RIPOR1: variants seen among roughly 807,000 people sequenced by gnomAD.
RIPOR1 encodes the protein rho family-interacting cell polarization regulator 1.
RIPOR1 carries 58 observed loss-of-function variants against 116.5 expected under a neutral mutation model. The ratio of observed to expected loss-of-function variants is 0.50; its 90% confidence interval spans 0.40 to 0.62. The LOEUF is 0.62. Ranked by LOEUF, RIPOR1 falls within the 20% of genes least tolerant of loss-of-function variation. RIPOR1 has a pLI of 0.00. For synonymous variants in RIPOR1, 605 were observed against 650.0 expected, an observed-to-expected ratio of 0.93 and a Z score of 1.05; for missense variants, 1,372 against 1,586.2, an observed-to-expected ratio of 0.86 and a Z score of 2.29.
rs778814634 is a variant in RIPOR1 at position 67,543,292 on chromosome 16, A to G, written c.2478+28A>G. The G allele has an allele frequency of 3.7e-6, 6 of 1,605,280 alleles. No homozygotes were observed. In the East Asian group the frequency reaches 1.3e-4, roughly 36 times the overall value. On this transcript the variant is annotated intron_variant, in intron 13 of 21. Transcript: ENST00000042381. This position sits in a 1 kb window ranked among gnomAD's most constrained non-coding sequence, Gnocchi z 4.7. Reference sequence around the variant, plus strand: ...GAGGAGGGCTGGGCTGGGCTAGGGCAACCAGGGAGGGCAGCCAGGGGGCGG... The same window carrying G: ...GAGGAGGGCTGGGCTGGGCTAGGGCGACCAGGGAGGGCAGCCAGGGGGCGG...
At position 67,543,674 on chromosome 16, in the gene RIPOR1, C is replaced by T. The variant is rs1440352619; in HGVS notation, c.2600+205C>T. The T allele has an allele frequency of 4.5e-6, 3 of 670,158 alleles. No homozygotes were observed. The highest frequency in any genetic ancestry group is 7.6e-6 in the Non-Finnish European group (3 of 392,450). 41.5% of individuals were successfully genotyped at this position (670,158 alleles called of 1,614,324 possible). On this transcript the variant is annotated intron_variant, in intron 14 of 21. Transcript: ENST00000042381. This position sits in a 1 kb window ranked among gnomAD's most constrained non-coding sequence, Gnocchi z 4.7. ...ATGTCCTTCATGCCCATGTCTCCAACCCTACGTGTGTCCCCAGTGCTTCTG... is the reference window on the plus strand; with the variant it reads ...ATGTCCTTCATGCCCATGTCTCCAATCCTACGTGTGTCCCCAGTGCTTCTG...
rs779467228 is a variant in RIPOR1 at position 67,542,184 on chromosome 16, G to A, written c.1398G>A (p.Glu466=). ...CTGCCTTGGCTGAGGCTTCAGTGGAGGCCGTTGGCCCAGAAAGCCTAGCCT... is the reference window on the plus strand; with the variant it reads ...CTGCCTTGGCTGAGGCTTCAGTGGAAGCCGTTGGCCCAGAAAGCCTAGCCT... ...VDAALAEASV[E]AVGPESLAWG... is the part of the protein sequence containing the mutation. Residue 466 remains glutamate (E), a synonymous_variant, in exon 13 of 22, where the codon GAG becomes GAA. Transcript: ENST00000042381. This position sits in a 1 kb window ranked among gnomAD's most constrained non-coding sequence, Gnocchi z 4.6. 16 of 1,613,262 alleles carry A rather than the reference G, an allele frequency of 9.9e-6. No homozygotes were observed. The highest frequency in any genetic ancestry group is 5.0e-5 in the Admixed American group (3 of 59,956).
rs2050610430 is a variant in RIPOR1 at position 67,529,931 on chromosome 16, C to T, written c.-24+1017C>T. 2 of 948,712 alleles carry T rather than the reference C, an allele frequency of 2.1e-6. No individual in the cohort carries two copies. Among genetic ancestry groups the T allele is most frequent in the South Asian group, 1.4e-5 (1 of 72,402 alleles). The allele number at this position is 948,712 out of a possible 1,614,324, so 58.8% of individuals were successfully genotyped here. ...GATTAGATCTGAGTCCTTGCCCCTGCGACACCCACCTCCGTGGTATTGGAG... is the reference window on the plus strand; with the variant it reads ...GATTAGATCTGAGTCCTTGCCCCTGTGACACCCACCTCCGTGGTATTGGAG... On this transcript the variant is annotated intron_variant, in intron 1 of 21. Transcript: ENST00000042381. The surrounding 1 kb of genome is among the most constrained non-coding windows in gnomAD (Gnocchi z 4.1).
At position 67,545,659 on chromosome 16, in the gene RIPOR1, T is replaced by A; in HGVS notation, c.3191-5T>A. ...CCACCCACCCACCATATCCCCTTTT[T>A]TCAGTGCTACTGGTGCGGAATCTGA... On this transcript the variant is annotated splice_polypyrimidine_tract_variant and splice_region_variant and intron_variant, in intron 18 of 21. Transcript: ENST00000042381. The surrounding 1 kb of genome is among the most constrained non-coding windows in gnomAD (Gnocchi z 4.8). 1 of 1,567,560 alleles carries A rather than the reference T, an allele frequency of 6.4e-7. No individual in the cohort carries two copies. The highest frequency in any genetic ancestry group is 8.7e-7 in the Non-Finnish European group (1 of 1,155,106).
rs746704806 is a variant in RIPOR1 at position 67,540,760 on chromosome 16, C to T, written c.801+56C>T. 6.6e-7 allele frequency: 1 copy of T among 1,513,192 alleles called. No homozygotes were observed. The highest frequency in any genetic ancestry group is 8.9e-7 in the Non-Finnish European group (1 of 1,123,796). 93.7% of individuals were successfully genotyped at this position (1,513,192 alleles called of 1,614,324 possible). ...CATGGCCCTGTGAACCCCTTGTGAC[C>T]CCCATTACCCTGAGTCCCTTACTCC... On this transcript the variant is annotated intron_variant, in intron 10 of 21. Coordinates refer to ENST00000042381, the MANE Select transcript of RIPOR1 (RefSeq NM_024519.4). This position sits in a 1 kb window ranked among gnomAD's most constrained non-coding sequence, Gnocchi z 4.7.
intron 1 of RIPOR1, among the ~76,000 whole-genome samples, chr16:67,534,735 A>G (rs533252837): frequency 6.9e-6 from 1 of 145,692 alleles, no homozygotes; most frequent in African/African-American, 2.6e-5. Flanking sequence ...ATCCACCCAT[A>G]TTGTTGCATG....
Position 67,531,410 on chromosome 16 carries a change from C to G in RIPOR1, c.-24+2496C>G. 1 of 296,182 alleles carries G rather than the reference C, an allele frequency of 3.4e-6. No individual in the cohort carries two copies. Among genetic ancestry groups the G allele is most frequent in the Non-Finnish European group, 6.8e-6 (1 of 146,652 alleles). 18.3% of individuals were successfully genotyped at this position (296,182 alleles called of 1,614,324 possible). A position where few individuals can be genotyped will look rare whatever the true frequency, so the allele number is the denominator to read the frequency against. The stretch of plus-strand genomic sequence containing the variant: ...TGCCCCAGGTCTCACAAGGTTCAGT[C>G]TGGTGGGAAGACAGGCCCTAAAGGA... On this transcript the variant is annotated intron_variant, in intron 1 of 21. Coordinates refer to ENST00000042381, the MANE Select transcript of RIPOR1 (RefSeq NM_024519.4). This position sits in a 1 kb window ranked among gnomAD's most constrained non-coding sequence, Gnocchi z 4.2.
At chr16:67,546,327 G>T (rs1475600766) in intron 21 of RIPOR1, 39 bp from the exon 22 acceptor site, 1 of 1,609,396 alleles carries the variant, frequency 6.2e-7, no homozygotes, top group Non-Finnish European at 8.5e-7. Flanking sequence ...AGTGGGATGG[G>T]GCTAGGGCCA....
chr16:67,538,811 A>C lies in RIPOR1; in HGVS notation c.244A>C (p.Lys82Gln). ...ERLDLVYTAL[K>Q]RGLTAYLEVH... ...GCTGGACCTGGTGTACACGGCGCTG[A>C]AGCGGGGCCTGACGTGAGCAGCTCC... Residue 82 changes from lysine to glutamine, a missense_variant, in exon 3 of 22, where the codon AAG (lysine) becomes CAG (glutamine). Lys to Gln is a moderately conservative substitution (Grantham distance 53). Around this residue, in one of 3 missense-constraint regions of RIPOR1, gnomAD observed 165 missense variants for 145.5 expected, o/e 1.13. Transcript: ENST00000042381. The C allele has an allele frequency of 6.2e-7, 1 of 1,613,178 alleles. No individual in the cohort carries two copies. Among genetic ancestry groups the C allele is most frequent in the African/African-American group, 1.3e-5 (1 of 75,050 alleles).
Position 67,542,122 on chromosome 16 carries a change from C to T in RIPOR1, c.1336C>T (p.Arg446Trp), listed in dbSNP as rs141656845. The T allele has an allele frequency of 2.5e-5, 41 of 1,613,326 alleles. No individual in the cohort carries two copies. Among genetic ancestry groups the T allele is most frequent in the Non-Finnish European group, 3.4e-5 (40 of 1,179,516 alleles). Residue 446 changes from arginine (R) to tryptophan (W), a missense_variant, in exon 13 of 22, where the codon CGG (arginine) becomes TGG (tryptophan). Arg to Trp is a moderately radical substitution (Grantham distance 101). Around this residue, in one of 3 missense-constraint regions of RIPOR1, gnomAD observed 1,005 missense variants for 1,144.7 expected, o/e 0.88. Transcript: ENST00000042381. The surrounding 1 kb of genome is among the most constrained non-coding windows in gnomAD (Gnocchi z 4.6). ...VLANGHAPYS[R>W]TLSHISEASV... ...GGCAAATGGGCATGCACCCTACAGTCGGACTCTGAGCCACATCAGTGAGGC... is the reference window on the plus strand; with the variant it reads ...GGCAAATGGGCATGCACCCTACAGTTGGACTCTGAGCCACATCAGTGAGGC...
rs117779405 is a variant in RIPOR1, at chr16:67,530,957, C to T, written c.-24+2043C>T. 1.6e-3 allele frequency among the ~76,000 whole-genome samples: 251 copies of T among 152,262 alleles called. No homozygotes were observed. The highest frequency in any genetic ancestry group is 4.1e-3 in the Admixed American group (62 of 15,300). ...ACCCAGCAAGGGCAATCTTGCCCGC[C>T]CATCTCCCGAAGCGGTCACTCAGAT... On this transcript the variant is annotated intron_variant, in intron 1 of 21. Coordinates refer to ENST00000042381, the MANE Select transcript of RIPOR1 (RefSeq NM_024519.4). The surrounding 1 kb of genome is among the most constrained non-coding windows in gnomAD (Gnocchi z 4.5).
Position 67,530,731 on chromosome 16 carries a change from C to CA in RIPOR1, c.-24+1818dup, listed in dbSNP as rs761898701. Among the ~76,000 whole-genome samples the CA allele has an allele frequency of 6.6e-6, 1 of 152,174 alleles. No homozygotes were observed. Among genetic ancestry groups the CA allele is most frequent in the African/African-American group, 2.4e-5 (1 of 41,436 alleles). On this transcript the variant is annotated intron_variant, in intron 1 of 21. Coordinates refer to ENST00000042381, the MANE Select transcript of RIPOR1 (RefSeq NM_024519.4). This position sits in a 1 kb window ranked among gnomAD's most constrained non-coding sequence, Gnocchi z 4.5. The stretch of plus-strand genomic sequence containing the variant: ...GCGGACAGGTCAGGGCTCCTCCACT[C>CA]ACGGCCATCCTGACCTGGCTGTGCT...
At chr16:67,539,549 A>G (rs2050908334) in intron 4 of RIPOR1, 179 bp from the exon 5 acceptor site, 3 of 774,546 alleles carry the variant, frequency 3.9e-6, no homozygotes, top group Non-Finnish European at 6.8e-6. Flanking sequence ...AAGGGACCAG[A>G]TCTGTGCTAC....
rs1012507980 is a variant in RIPOR1, at chr16:67,529,836, A to C, written c.-24+922A>C. 2.6e-6 allele frequency: 4 copies of C among 1,535,612 alleles called. No homozygotes were observed. The highest frequency in any genetic ancestry group is 2.6e-6 in the Non-Finnish European group (3 of 1,146,532). ...CTGAGGAGGGTTATGACCATCTGGCAGATGCAGAAACAGGCCCAGAGAGGT... is the reference window on the plus strand; with the variant it reads ...CTGAGGAGGGTTATGACCATCTGGCCGATGCAGAAACAGGCCCAGAGAGGT... On this transcript the variant is annotated intron_variant, in intron 1 of 21. Coordinates refer to ENST00000042381, the MANE Select transcript of RIPOR1 (RefSeq NM_024519.4). The surrounding 1 kb of genome is among the most constrained non-coding windows in gnomAD (Gnocchi z 4.1).
rs1204429736 is a variant in RIPOR1, at chr16:67,537,195, G to A, written c.-23-1229G>A. 2.0e-5 allele frequency among the ~76,000 whole-genome samples: 3 copies of A among 152,182 alleles called. No homozygotes were observed. Among genetic ancestry groups the A allele is most frequent in the Non-Finnish European group, 4.4e-5 (3 of 68,022 alleles). ...CCCAAAGTGCTGAGATTACAGGCGT[G>A]AGCCACTGTGCCCGGCCTCAATAGC... On this transcript the variant is annotated intron_variant, in intron 1 of 21. Coordinates refer to ENST00000042381, the MANE Select transcript of RIPOR1 (RefSeq NM_024519.4). This position sits in a 1 kb window ranked among gnomAD's most constrained non-coding sequence, Gnocchi z 4.6.
chr16:67,544,512 T>C lies in RIPOR1; in HGVS notation c.2733+81T>C, dbSNP rs1442718076. On this transcript the variant is annotated intron_variant, in intron 15 of 21. Transcript: ENST00000042381. This position sits in a 1 kb window ranked among gnomAD's most constrained non-coding sequence, Gnocchi z 5.1. The stretch of plus-strand genomic sequence containing the variant: ...CCTGCCCTTCCATCCTGGTCCTCTA[T>C]ACCTCCTCTGAGTGCCACACCCCAG... 2 of 1,548,012 alleles carry C rather than the reference T, an allele frequency of 1.3e-6. No homozygotes were observed. Among genetic ancestry groups the C allele is most frequent in the African/African-American group, 1.4e-5 (1 of 74,028 alleles).
In RIPOR1 at chr16:67,530,138, G is replaced by A; in HGVS notation, c.-24+1224G>A. 1.2e-5 allele frequency: 6 copies of A among 511,388 alleles called. No individual in the cohort carries two copies. Among genetic ancestry groups the A allele is most frequent in the Non-Finnish European group, 1.8e-5 (5 of 284,072 alleles). The allele number at this position is 511,388 out of a possible 1,614,324, so 31.7% of individuals were successfully genotyped here. ...TGGGTGCGGGTGAGGGGAGGACTCAGGACTCTGGGCTGGGTCCCGCTTGAG... is the reference window on the plus strand; with the variant it reads ...TGGGTGCGGGTGAGGGGAGGACTCAAGACTCTGGGCTGGGTCCCGCTTGAG... On this transcript the variant is annotated intron_variant, in intron 1 of 21. Coordinates refer to ENST00000042381, the MANE Select transcript of RIPOR1 (RefSeq NM_024519.4). This position sits in a 1 kb window ranked among gnomAD's most constrained non-coding sequence, Gnocchi z 4.5.
In RIPOR1 at chr16:67,541,555, G is replaced by A. The variant is rs1309118182; in HGVS notation, c.927G>A (p.Lys309=). 2 of 1,613,990 alleles carry A rather than the reference G, an allele frequency of 1.2e-6. No individual in the cohort carries two copies. Among genetic ancestry groups the A allele is most frequent in the Non-Finnish European group, 1.7e-6 (2 of 1,179,990 alleles). ...ATATCAATGACCTTGGTACCATCAA[G>A]CTCAGCCTGGAAGTCACATGGAGGT... ...AVDINDLGTI[K]LSLEVTWSPF... is the part of the protein sequence containing the mutation. Residue 309 remains lysine (K), a synonymous_variant, in exon 11 of 22, where the codon AAG becomes AAA. Transcript: ENST00000042381. This position sits in a 1 kb window ranked among gnomAD's most constrained non-coding sequence, Gnocchi z 4.6.
rs776636864 is a variant in RIPOR1 at position 67,542,963 on chromosome 16, A to C, written c.2177A>C (p.His726Pro). The change falls in exon 13 of 22, where the codon CAC (histidine) becomes CCC (proline). Residue 726 changes from histidine to proline, a missense_variant. By Grantham distance (77) the His-to-Pro change is moderately conservative. Around this residue, in one of 3 missense-constraint regions of RIPOR1, gnomAD observed 1,005 missense variants for 1,144.7 expected, o/e 0.88. Transcript: ENST00000042381. This position sits in a 1 kb window ranked among gnomAD's most constrained non-coding sequence, Gnocchi z 4.6. ...GACCCTATGGCCCCCAGAACTCCCC[A>C]CCCAAGTCCTGCCCATTCCAGTAGG... ...QADPMAPRTP[H>P]PSPAHSSRKP... is the part of the protein sequence containing the mutation. 1 of 1,576,492 alleles carries C rather than the reference A, an allele frequency of 6.3e-7. No homozygotes were observed. The highest frequency in any genetic ancestry group is 8.6e-7 in the Non-Finnish European group (1 of 1,160,430).
Sources: allele counts gnomAD v4.1 joint callset (sites outside exome capture counted in the v4.1 genomes callset), GRCh38; gene constraint gnomAD v4.1.1; regional missense constraint gnomAD v4.1.1; non-coding constraint Gnocchi (gnomAD v3.1); transcripts MANE v1.5; gene names NCBI Gene and HGNC (gene_info 2026-07-23, HGNC 2026-07-21).